Variants in RFX8 observed in about 807,000 individuals in gnomAD.
The protein encoded by RFX8 is DNA-binding protein RFX8.
A neutral mutation model predicts 54.6 loss-of-function variants in RFX8; 46 were observed. The observed-to-expected ratio is 0.84, with a 90% CI of 0.67 to 1.08. The LOEUF is 1.08. RFX8 is among the 50% of genes least tolerant of loss of function. RFX8 has a pLI of 0.00. For missense variants in RFX8, 536 were observed against 562.3 expected (o/e 0.95, Z 0.47); for synonymous variants, 192 against 209.5 (o/e 0.92, Z 0.72).
At chr2:101,408,377 C>T (rs1038634518) in intron 9 of RFX8, among the ~76,000 whole-genome samples, 2 of 151,726 alleles carry the variant, frequency 1.3e-5, no homozygotes, top group African/African-American at 2.4e-5. Context: ...CTCAGCTACT[C>T]GGGAGGCTGA....
intron 9 of RFX8, 100 bp downstream of exon 9, chr2:101,410,519 C>T (rs1686062882): frequency 1.5e-6 from 1 of 669,462 alleles, no homozygotes; most frequent in African/African-American, 1.8e-5. Flanking sequence ...CATTTCCGAC[C>T]AGAGCCTAAG....
At chr2:101,428,060 A>T (rs1221868942) in intron 2 of RFX8, among the ~76,000 whole-genome samples, 2 of 67,058 alleles carry the variant, frequency 3.0e-5, no homozygotes, top group Non-Finnish European at 8.5e-5. Context: ...TTGGGAGGCC[A>T]AGGGGGGCAG....
At position 101,466,721 on chromosome 2, in the gene RFX8, T is replaced by C. The variant is rs4851455; in HGVS notation, c.72+56A>G. 0.62 allele frequency: 766,568 copies of C among 1,236,780 alleles called. 241,677 individuals are homozygous for C. Among genetic ancestry groups the C allele is most frequent in the South Asian group, 0.65 (50,257 of 77,666 alleles). 76.6% of individuals were successfully genotyped at this position (1,236,780 alleles called of 1,614,324 possible). A position where few individuals can be genotyped will look rare whatever the true frequency, so the allele number is the denominator to read the frequency against. Reference sequence around the variant, plus strand: ...ACATTGCAACATTTCCTCCAATAACTTGCTTCCCTTTTTTGCACTCAGTGA... The same window carrying C: ...ACATTGCAACATTTCCTCCAATAACCTGCTTCCCTTTTTTGCACTCAGTGA... On this transcript the variant is annotated intron_variant, in intron 2 of 11. Coordinates refer to ENST00000428343, the MANE Select transcript of RFX8 (RefSeq NM_001145664.2).
chr2:101,455,976 C>A (rs1049158318), intron 2 of RFX8, among the ~76,000 whole-genome samples: 1 of 152,118 alleles, frequency 6.6e-6, no homozygotes, highest in East Asian at 1.9e-4. Context: ...CTCTTTGTAG[C>A]AATTGTGTAT....
intron 8 of RFX8, among the ~76,000 whole-genome samples, chr2:101,410,937 C>A (rs570244526): frequency 6.6e-6 from 1 of 152,304 alleles, no homozygotes; most frequent in South Asian, 2.1e-4. Context: ...TTGTGAGCCA[C>A]CTCTGCCACT....
At position 101,397,664 on chromosome 2, in the gene RFX8, T is replaced by C. The variant is rs1374560917; in HGVS notation, c.1306A>G (p.Met436Val). ...AGGGTTATGAGGGCTTCTTGTCCCATAGGAAGGCTGAGTTTAACTGCGCTT... is the reference window on the plus strand; with the variant it reads ...AGGGTTATGAGGGCTTCTTGTCCCACAGGAAGGCTGAGTTTAACTGCGCTT... ...TESAVKLSLP[M>V]GQEALITLKD... is the part of the protein sequence containing the mutation. Residue 436 changes from methionine (M) to valine (V), a missense_variant, in exon 12 of 12, where the codon ATG (methionine) becomes GTG (valine). Physicochemically the swap from Met to Val is conservative, Grantham distance 21. Coordinates refer to ENST00000428343, the MANE Select transcript of RFX8 (RefSeq NM_001145664.2). 1.3e-6 allele frequency: 2 copies of C among 1,551,504 alleles called. No homozygotes were observed. Among genetic ancestry groups the C allele is most frequent in the African/African-American group, 1.4e-5 (1 of 73,162 alleles).
intron 11 of RFX8, among the ~76,000 whole-genome samples, chr2:101,398,046 C>T (rs1316911532): frequency 2.0e-5 from 3 of 152,124 alleles, no homozygotes; most frequent in African/African-American, 7.2e-5. Flanking sequence ...TTAGTAGAGA[C>T]AGGGTTTCAC....
chr2:101,412,377 C>T (rs1686191143), intron 8 of RFX8, among the ~76,000 whole-genome samples: 1 of 152,152 alleles, frequency 6.6e-6, no homozygotes, highest in African/African-American at 2.4e-5. Flanking sequence ...AAAACAATGA[C>T]AATGATCAAT....
At chr2:101,419,582 G>A (rs777095416) in intron 4 of RFX8, among the ~76,000 whole-genome samples, 6 of 152,118 alleles carry the variant, frequency 3.9e-5, no homozygotes, top group Non-Finnish European at 5.9e-5. Context: ...GATCTGCTTC[G>A]CCGCCAATAA....
intron 2 of RFX8, among the ~76,000 whole-genome samples, chr2:101,464,038 G>A (rs943383510): frequency 1.3e-5 from 2 of 152,290 alleles, no homozygotes; most frequent in East Asian, 1.9e-4. Flanking sequence ...GCTCACTCAG[G>A]AGCTGAGGAA....
intron 2 of RFX8, among the ~76,000 whole-genome samples, chr2:101,437,548 A>C (rs1026901743): frequency 1.3e-5 from 2 of 151,816 alleles, no homozygotes. Context: ...ACGTGACCAC[A>C]CTCCAGCCTG....
intron 2 of RFX8, among the ~76,000 whole-genome samples, chr2:101,441,092 G>T (rs993584312): frequency 1.3e-5 from 2 of 150,840 alleles, no homozygotes; most frequent in South Asian, 4.2e-4. Flanking sequence ...TCAGCCTTCC[G>T]AGTAGCCGGG....
At chr2:101,433,419 T>C (rs767709911) in intron 2 of RFX8, among the ~76,000 whole-genome samples, 70 of 152,278 alleles carry the variant, frequency 4.6e-4, no homozygotes, top group Middle Eastern at 3.4e-3. Flanking sequence ...AGAACCATGA[T>C]TTACTTTAAT....
chr2:101,436,429 C>A (rs1033639864), intron 2 of RFX8, among the ~76,000 whole-genome samples: 1 of 152,096 alleles, frequency 6.6e-6, no homozygotes, highest in African/African-American at 2.4e-5. Context: ...CTCAGTGACT[C>A]TGAGAACTGA....
chr2:101,407,262 C>CA (rs1558838402), intron 9 of RFX8, among the ~76,000 whole-genome samples: 1 of 152,236 alleles, frequency 6.6e-6, no homozygotes, highest in Non-Finnish European at 1.5e-5. Flanking sequence ...CCCTGAGCTT[C>CA]AGGGGACGTG....
At chr2:101,453,745 C>T (rs60156228) in intron 2 of RFX8, among the ~76,000 whole-genome samples, 52,533 of 151,898 alleles carry the variant, frequency 0.35, 9,766 homozygotes, top group African/African-American at 0.45. Context: ...CATTATGCCA[C>T]GGATATTTCC....
At position 101,397,553 on chromosome 2, in the gene RFX8, C is replaced by T. The variant is rs1220406848; in HGVS notation, c.1417G>A (p.Val473Met). 4 of 1,537,636 alleles carry T rather than the reference C, an allele frequency of 2.6e-6. No individual in the cohort carries two copies. The highest frequency in any genetic ancestry group is 2.6e-6 in the Non-Finnish European group (3 of 1,138,234). Residue 473 changes from valine to methionine, a missense_variant, in exon 12 of 12, where the codon GTG becomes ATG. Transcript: ENST00000428343. ...CTCTATTCAAATAAATAATCTCACA[C>T]ATTAGCATTGTTTTCTCTGAAATAA... ...DIYFRENNAN[V>M]
intron 2 of RFX8, among the ~76,000 whole-genome samples, chr2:101,433,489 T>C (rs956961198): frequency 1.3e-5 from 2 of 152,254 alleles, no homozygotes; most frequent in Non-Finnish European, 1.5e-5. Context: ...CACAATTATA[T>C]AGCACATAAC....
At chr2:101,409,079 T>C (rs1685934664) in intron 9 of RFX8, among the ~76,000 whole-genome samples, 1 of 152,224 alleles carries the variant, frequency 6.6e-6, no homozygotes, top group Non-Finnish European at 1.5e-5. Flanking sequence ...CTCAGCTTAT[T>C]TTAATCCTGC....
Sources: gnomAD v4.1 joint callset for allele counts (sites outside exome capture counted in the v4.1 genomes callset) on GRCh38, gnomAD v4.1.1 for gene constraint, MANE v1.5 for transcripts, NCBI Gene and HGNC (gene_info 2026-07-23, HGNC 2026-07-21) for gene names.